The following GULP1 variants were observed in gnomAD, a reference collection of about 807,000 sequenced individuals.
GULP1 encodes PTB domain-containing engulfment adapter protein 1.
Under a neutral mutation model 40.9 loss-of-function variants are expected in GULP1, and 19 were observed. The ratio of observed to expected loss-of-function variants is 0.46; its 90% CI spans 0.32 to 0.68. GULP1 has a LOEUF of 0.68. Ranked by LOEUF, GULP1 falls within the 30% of genes least tolerant of loss-of-function variation. GULP1 has a pLI of 0.03. For synonymous variants in GULP1, 119 were observed against 117.6 expected, an observed-to-expected ratio of 1.01 and a Z score of -0.08; for missense variants, 312 against 362.2, an observed-to-expected ratio of 0.86 and a Z score of 1.12.
intron 1 of GULP1, among the ~76,000 whole-genome samples, chr2:188,374,080 G>T (rs2047978956): frequency 6.6e-6 from 1 of 151,990 alleles, no homozygotes; most frequent in Non-Finnish European, 1.5e-5. Flanking sequence ...AAACATACTT[G>T]AAGTATATAT....
At chr2:188,488,594 A>G (rs1056575108) in intron 4 of GULP1, among the ~76,000 whole-genome samples, 1 of 152,016 alleles carries the variant, frequency 6.6e-6, no homozygotes, top group African/African-American at 2.4e-5. Context: ...TAGAATGTGT[A>G]TCAGGTATTT....
intron 7 of GULP1, among the ~76,000 whole-genome samples, chr2:188,545,202 C>G (rs1691579579): frequency 6.6e-6 from 1 of 151,140 alleles, no homozygotes; most frequent in Non-Finnish European, 1.5e-5. Context: ...AGATTGTTTG[C>G]CACTACTAGA....
chr2:188,337,232 G>A (rs1296876084), intron 1 of GULP1, among the ~76,000 whole-genome samples: 2 of 151,814 alleles, frequency 1.3e-5, no homozygotes, highest in Admixed American at 6.6e-5. Context: ...TCTGCCTCCC[G>A]GATTCAAGTG....
At chr2:188,504,062 A>G (rs970743530) in intron 4 of GULP1, among the ~76,000 whole-genome samples, 2 of 151,890 alleles carry the variant, frequency 1.3e-5, no homozygotes, top group African/African-American at 4.8e-5. Flanking sequence ...ATTCAGTACT[A>G]CAGAGTATCT....
intron 1 of GULP1, among the ~76,000 whole-genome samples, chr2:188,361,844 T>A (rs2046134785): frequency 6.6e-6 from 1 of 152,118 alleles, no homozygotes. Context: ...TAAATGTATG[T>A]CATTTATATT....
chr2:188,460,370 T>A (rs115377202), intron 2 of GULP1, among the ~76,000 whole-genome samples: 8,285 of 152,052 alleles, frequency 0.054, 289 homozygotes, highest in East Asian at 0.097. Context: ...CTTCTTTGGT[T>A]AAGTTAATTC....
intron 1 of GULP1, among the ~76,000 whole-genome samples, chr2:188,298,322 TC>T (rs1445092259): frequency 7.9e-6 from 1 of 126,582 alleles, no homozygotes; most frequent in Non-Finnish European, 1.9e-5. Flanking sequence ...TGAATTAATT[TC>T]AAAGCAATTT....
At chr2:188,514,585 A>G (rs1652760908) in intron 4 of GULP1, among the ~76,000 whole-genome samples, 1 of 152,198 alleles carries the variant, frequency 6.6e-6, no homozygotes, top group Admixed American at 6.5e-5. Flanking sequence ...ACTGAATCTA[A>G]TTGTATGAAG....
intron 1 of GULP1, among the ~76,000 whole-genome samples, chr2:188,364,928 GTA>G (rs34653781): frequency 0.22 from 31,914 of 148,340 alleles, 3,548 homozygotes; most frequent in African/African-American, 0.27. Context: ...ATATATATGT[GTA>G]TATATATATA....
intron 7 of GULP1, among the ~76,000 whole-genome samples, chr2:188,568,628 T>C (rs1460966251): frequency 6.6e-6 from 1 of 152,148 alleles, no homozygotes; most frequent in East Asian, 1.9e-4. Flanking sequence ...ATTTCAGACT[T>C]CTGGCCTCAT....
rs74270964 is a variant in GULP1 at position 188,304,840 on chromosome 2, T to C, written c.-172+12674T>C. On this transcript the variant is annotated intron_variant, in intron 1 of 11. Coordinates refer to ENST00000409830, the MANE Select transcript of GULP1 (RefSeq NM_016315.4). Reference sequence around the variant, plus strand: ...TGTTTAAGGAAAAACTCTCAAACTATGTTTTTCCTCTGCTCTCATACAACA... The same window carrying C: ...TGTTTAAGGAAAAACTCTCAAACTACGTTTTTCCTCTGCTCTCATACAACA... 8.1e-3 allele frequency among the ~76,000 whole-genome samples: 1,229 copies of C among 152,352 alleles called. 40 individuals carry two copies. The highest frequency in any genetic ancestry group is 0.061 in the Admixed American group (939 of 15,304).
chr2:188,313,494 C>G (rs2038536523), intron 1 of GULP1, among the ~76,000 whole-genome samples: 1 of 152,114 alleles, frequency 6.6e-6, no homozygotes, highest in African/African-American at 2.4e-5. Flanking sequence ...GATACTAGTA[C>G]CATGCTGTTT....
intron 4 of GULP1, among the ~76,000 whole-genome samples, chr2:188,500,114 T>A (rs143653226): frequency 6.6e-6 from 1 of 151,980 alleles, no homozygotes; most frequent in African/African-American, 2.4e-5. Context: ...ATATGCAGAA[T>A]TAATCTTATT....
intron 2 of GULP1, among the ~76,000 whole-genome samples, chr2:188,450,775 G>A (rs550944858): frequency 1.3e-5 from 2 of 152,162 alleles, no homozygotes; most frequent in South Asian, 4.2e-4. Context: ...CAAAAGAATT[G>A]CTCTTCTATA....
intron 6 of GULP1, 152 bp from the exon 7 acceptor site, chr2:188,541,029 T>C: frequency 1.5e-6 from 1 of 668,314 alleles, no homozygotes; most frequent in Non-Finnish European, 2.5e-6. Context: ...CATTATGCCT[T>C]TGTTTTAGGT....
intron 1 of GULP1, among the ~76,000 whole-genome samples, chr2:188,351,050 C>G (rs1315890551): frequency 6.6e-6 from 1 of 151,800 alleles, no homozygotes; most frequent in Non-Finnish European, 1.5e-5. Flanking sequence ...AGTATTAGGA[C>G]TATGGAAAAG....
chr2:188,437,866 G>A (rs2057556669), intron 2 of GULP1, among the ~76,000 whole-genome samples: 1 of 152,058 alleles, frequency 6.6e-6, no homozygotes, highest in African/African-American at 2.4e-5. Flanking sequence ...AGTAGAAGCA[G>A]AATGATGAGA....
intron 10 of GULP1, among the ~76,000 whole-genome samples, chr2:188,587,347 G>T (rs1702601257): frequency 6.6e-6 from 1 of 151,998 alleles, no homozygotes; most frequent in Non-Finnish European, 1.5e-5. Flanking sequence ...CATACTACAT[G>T]AGACAATGTG....
intron 1 of GULP1, among the ~76,000 whole-genome samples, chr2:188,334,162 T>A (rs2041971062): frequency 6.6e-6 from 1 of 152,140 alleles, no homozygotes; most frequent in African/African-American, 2.4e-5. Flanking sequence ...TGAGGAGAAA[T>A]GTAGAATTAC....
Sources: gnomAD v4.1 joint callset for allele counts (sites outside exome capture counted in the v4.1 genomes callset) on GRCh38, gnomAD v4.1.1 for gene constraint, MANE v1.5 for transcripts, NCBI Gene and HGNC (gene_info 2026-07-23, HGNC 2026-07-21) for gene names.